WWC2: variants seen among roughly 807,000 people sequenced by gnomAD.
WWC2 encodes protein WWC2.
Under a neutral mutation model 138.5 loss-of-function variants are expected in WWC2, and 101 were observed. The ratio of observed to expected loss-of-function variants is 0.73; its 90% CI spans 0.62 to 0.86. The LOEUF (loss-of-function observed/expected upper bound fraction) is 0.86, where lower values mean the gene tolerates loss of function less well. Ranked by LOEUF, WWC2 falls within the 40% of genes least tolerant of loss-of-function variation. WWC2 has a pLI of 0.00. For missense variants in WWC2, 1,420 were observed against 1,419.4 expected, an observed-to-expected ratio of 1.00 and a Z score of -0.01; for synonymous variants, 558 against 538.4, an observed-to-expected ratio of 1.04 and a Z score of -0.50.
rs975956384 is a variant in WWC2, at chr4:183,253,818, G to C, written c.1015G>C (p.Asp339His). 1.9e-6 allele frequency: 3 copies of C among 1,613,570 alleles called. No homozygotes were observed. The African/African-American group carries it at 4.0e-5, about 22-fold the overall frequency. Residue 339 changes from aspartate to histidine, a missense_variant, in exon 9 of 23, where the codon GAT becomes CAT. Coordinates refer to ENST00000403733, the MANE Select transcript of WWC2 (RefSeq NM_024949.6). ...CAGTGAGGCCTGGCCTGGGGCACTG[G>C]ATATTGAGAAGGAAAAACTGATGCT... Reference protein sequence around the residue: ...LDSEAWPGALDIEKEKLMLIN... With the variant: ...LDSEAWPGALHIEKEKLMLIN...
chr4:183,302,586 C>A (rs1431752612), intron 21 of WWC2, among the ~76,000 whole-genome samples: 1 of 152,032 alleles, frequency 6.6e-6, no homozygotes, highest in Non-Finnish European at 1.5e-5. Flanking sequence ...AGCTTAGTTT[C>A]CCCAACATCC....
At chr4:183,223,334 A>G (rs985086202) in intron 4 of WWC2, among the ~76,000 whole-genome samples, 1 of 152,234 alleles carries the variant, frequency 6.6e-6, no homozygotes, top group Admixed American at 6.5e-5. Flanking sequence ...ACACATGACT[A>G]AACTTTATTA....
chr4:183,240,858 C>T (rs1290364538), intron 5 of WWC2, among the ~76,000 whole-genome samples: 2 of 152,196 alleles, frequency 1.3e-5, no homozygotes, highest in East Asian at 1.9e-4. Flanking sequence ...TAGCAGAGCC[C>T]TAAGCTGGGC....
intron 2 of WWC2, among the ~76,000 whole-genome samples, chr4:183,201,465 C>T (rs1735296261): frequency 6.6e-6 from 1 of 152,170 alleles, no homozygotes; most frequent in Non-Finnish European, 1.5e-5. Flanking sequence ...TTGTTGATCA[C>T]CCAGGGCTTC....
chr4:183,198,950 T>C (rs1418985396), intron 2 of WWC2, among the ~76,000 whole-genome samples: 6 of 152,186 alleles, frequency 3.9e-5, no homozygotes, highest in Non-Finnish European at 7.4e-5. Flanking sequence ...GAAATGAGAA[T>C]GTGTAGTGAA....
intron 21 of WWC2, among the ~76,000 whole-genome samples, chr4:183,297,094 T>C (rs1738656975): frequency 6.6e-6 from 1 of 151,942 alleles, no homozygotes; most frequent in Admixed American, 6.6e-5. Context: ...TCCACCTCAG[T>C]TTCCTGAGTA....
chr4:183,282,972 CT>C, intron 18 of WWC2, 66 bp downstream of exon 18: 1 of 1,416,412 alleles, frequency 7.1e-7, no homozygotes, highest in Admixed American at 2.6e-5. Flanking sequence ...TAGGGAGATG[CT>C]TGTTTGTCTC....
At chr4:183,152,822 G>T (rs1363010601) in intron 1 of WWC2, among the ~76,000 whole-genome samples, 1 of 151,966 alleles carries the variant, frequency 6.6e-6, no homozygotes, top group Non-Finnish European at 1.5e-5. Context: ...GGCAGAGGTT[G>T]CAGTGAGCCA....
intron 1 of WWC2, among the ~76,000 whole-genome samples, chr4:183,171,504 A>G (rs1346202402): frequency 6.6e-6 from 1 of 152,218 alleles, no homozygotes; most frequent in African/African-American, 2.4e-5. Flanking sequence ...CTAAAGTTTT[A>G]TGAGATTTCT....
intron 1 of WWC2, among the ~76,000 whole-genome samples, chr4:183,121,978 G>A (rs995588075): frequency 2.6e-5 from 4 of 151,568 alleles, no homozygotes; most frequent in African/African-American, 9.7e-5. Flanking sequence ...GTAGAGACGG[G>A]CTTTCACTGT....
At position 183,320,345 on chromosome 4, in the gene WWC2, C is replaced by T. The variant is rs1443506754; in HGVS notation, c.*4616C>T. The T allele has an allele frequency of 2.2e-6, 2 of 903,172 alleles. No homozygotes were observed. The highest frequency in any genetic ancestry group is 3.4e-6 in the Non-Finnish European group (2 of 595,408). The allele number at this position is 903,172 out of a possible 1,614,324, so 55.9% of individuals were successfully genotyped here. Reference sequence around the variant, plus strand: ...TCTTCATTGTGTATATAGGAGGATTCTTGCCAGAGTTGCTATTGTTTGATT... The same window carrying T: ...TCTTCATTGTGTATATAGGAGGATTTTTGCCAGAGTTGCTATTGTTTGATT... On this transcript the variant is annotated 3_prime_UTR_variant, in exon 23 of 23. Coordinates refer to ENST00000403733, the MANE Select transcript of WWC2 (RefSeq NM_024949.6).
intron 1 of WWC2, among the ~76,000 whole-genome samples, chr4:183,166,924 G>A (rs928140835): frequency 1.3e-5 from 2 of 152,160 alleles, no homozygotes; most frequent in South Asian, 2.1e-4. Flanking sequence ...TCACAAATTG[G>A]AAGCACAGAG....
At chr4:183,226,473 G>A (rs1364075134) in intron 4 of WWC2, among the ~76,000 whole-genome samples, 3 of 151,760 alleles carry the variant, frequency 2.0e-5, no homozygotes, top group Admixed American at 6.6e-5. Context: ...TGCAACTAAA[G>A]CAGTTTTTAG....
At chr4:183,108,768 A>C (rs1397748079) in intron 1 of WWC2, among the ~76,000 whole-genome samples, 1 of 151,972 alleles carries the variant, frequency 6.6e-6, no homozygotes, top group East Asian at 1.9e-4. Context: ...GTGCCACCAC[A>C]CCCAGCTAAT....
chr4:183,182,171 A>G (rs1734651494), intron 1 of WWC2, among the ~76,000 whole-genome samples: 1 of 152,216 alleles, frequency 6.6e-6, no homozygotes, highest in Non-Finnish European at 1.5e-5. Context: ...TGATAAAAGT[A>G]ATACAGGTGT....
chr4:183,157,844 C>A (rs1316132042), intron 1 of WWC2, among the ~76,000 whole-genome samples: 1 of 151,654 alleles, frequency 6.6e-6, no homozygotes, highest in Non-Finnish European at 1.5e-5. Flanking sequence ...CTGAATTTCC[C>A]CTTTTCTTCT....
chr4:183,103,330 T>C (rs1253424107), intron 1 of WWC2, among the ~76,000 whole-genome samples: 1 of 149,020 alleles, frequency 6.7e-6, no homozygotes, highest in Non-Finnish European at 1.5e-5. Context: ...CTCTGTATTG[T>C]CTTTTTTTTT....
intron 16 of WWC2, among the ~76,000 whole-genome samples, chr4:183,279,034 A>C (rs1737966925): frequency 6.6e-6 from 1 of 151,956 alleles, no homozygotes; most frequent in African/African-American, 2.4e-5. Context: ...GAGTGGTGAG[A>C]GAGGGCATCC....
chr4:183,218,715 A>G (rs1251542840), intron 4 of WWC2, among the ~76,000 whole-genome samples: 1 of 152,174 alleles, frequency 6.6e-6, no homozygotes, highest in Non-Finnish European at 1.5e-5. Flanking sequence ...GCGGAGACCC[A>G]GGAAAGCTGG....
Sources: allele counts gnomAD v4.1 joint callset (sites outside exome capture counted in the v4.1 genomes callset), GRCh38; gene constraint gnomAD v4.1.1; transcripts MANE v1.5; gene names NCBI Gene and HGNC (gene_info 2026-07-23, HGNC 2026-07-21).